The following TTC24 variants were observed in gnomAD, a reference collection of about 807,000 sequenced individuals.
The protein encoded by TTC24 is tetratricopeptide repeat domain 24.
In TTC24, 54 loss-of-function variants were observed where a neutral mutation model predicts 63.3. The observed-to-expected ratio is 0.85, with a 90% confidence interval of 0.69 to 1.07. The LOEUF (loss-of-function observed/expected upper bound fraction) is 1.07, where lower values mean the gene tolerates loss of function less well. TTC24 is among the 50% of genes least tolerant of loss of function. The pLI is 0.00. For missense variants in TTC24, 680 were observed against 730.5 expected (o/e 0.93, Z 0.80); for synonymous variants, 276 against 304.3 (o/e 0.91, Z 0.97).
In TTC24 at chr1:156,586,687, C is replaced by T; in HGVS notation, c.*137C>T. The T allele has an allele frequency of 4.2e-6, 3 of 717,522 alleles. No individual in the cohort carries two copies. Among genetic ancestry groups the T allele is most frequent in the Non-Finnish European group, 6.9e-6 (3 of 436,774 alleles). 44.4% of individuals were successfully genotyped at this position (717,522 alleles called of 1,614,324 possible). A position where few individuals can be genotyped will look rare whatever the true frequency, so the allele number is the denominator to read the frequency against. Reference sequence around the variant, plus strand: ...GGAACACAGTGCAGCCAGTGGACTCCTGAGGAGGCTGGCCAAGGGCTTTGC... The same window carrying T: ...GGAACACAGTGCAGCCAGTGGACTCTTGAGGAGGCTGGCCAAGGGCTTTGC... On this transcript the variant is annotated 3_prime_UTR_variant, in exon 11 of 11. Transcript: ENST00000368236.
Position 156,585,797 on chromosome 1 carries a change from G to A in TTC24, c.1541G>A (p.Gly514Glu). 1.2e-6 allele frequency: 2 copies of A among 1,613,830 alleles called. No individual in the cohort carries two copies. Among genetic ancestry groups the A allele is most frequent in the Middle Eastern group, 1.6e-4 (1 of 6,062 alleles). ...TTTACCAAGCACACGCCCTGCAGAG[G>A]GACAGTCCTCGGCAAAGCCTCCATC... ...PTFTKHTPCR[G>E]TVLGKASIYS... The change falls in exon 9 of 11, where the codon GGG (glycine) becomes GAG (glutamate). Residue 514 changes from glycine (G) to glutamate (E), a missense_variant. Gly to Glu is a moderately conservative substitution (Grantham distance 98). Transcript: ENST00000368236.
Position 156,583,963 on chromosome 1 carries a change from A to G in TTC24, c.1251+68A>G. On this transcript the variant is annotated intron_variant, in intron 6 of 10. Transcript: ENST00000368236. The surrounding 1 kb of genome is among the most constrained non-coding windows in gnomAD (Gnocchi z 4.0). ...TTACCCAGAGAAGGGGTTGGTGGTA[A>G]GCAGAGACGCTGTTCCCTGGGATGC... 1 of 1,375,456 alleles carries G rather than the reference A, an allele frequency of 7.3e-7. No individual in the cohort carries two copies. 85.2% of individuals were successfully genotyped at this position (1,375,456 alleles called of 1,614,324 possible). A position where few individuals can be genotyped will look rare whatever the true frequency, so the allele number is the denominator to read the frequency against.
At chr1:156,585,468 C>G in intron 8 of TTC24, 1 of 601,322 alleles carries the variant, frequency 1.7e-6, no homozygotes. Context: ...GGACCATTTT[C>G]CCTGAACCCT....
At chr1:156,582,185 A>G (rs2102470201) in intron 2 of TTC24, 46 bp from the exon 3 acceptor site, 1 of 1,514,964 alleles carries the variant, frequency 6.6e-7, no homozygotes, top group African/African-American at 1.4e-5. Context: ...TACCAGCCTC[A>G]TTTATATCTG....
chr1:156,586,270 G>A (rs1677169930), intron 10 of TTC24, among the ~76,000 whole-genome samples, 199 bp from the exon 11 acceptor site: 2 of 152,100 alleles, frequency 1.3e-5, no homozygotes, highest in Non-Finnish European at 2.9e-5. Flanking sequence ...TTCCTAAATG[G>A]CCTGATGGTA....
At chr1:156,585,257 C>T (rs1350148701) in intron 8 of TTC24, 26 bp downstream of exon 8, 11 of 1,564,360 alleles carry the variant, frequency 7.0e-6, no homozygotes, top group Admixed American at 5.4e-5. Context: ...GTATTCCTGG[C>T]GGTGCCTCTC....
rs570627469 is a variant in TTC24, at chr1:156,580,423, C to A, written c.-5+665C>A. On this transcript the variant is annotated intron_variant, in intron 1 of 10. Coordinates refer to ENST00000368236, the MANE Select transcript of TTC24 (RefSeq NM_001105669.4). ...TGAGTGAGGGGGGTGTCTGTGGAGG[C>A]ACAGTGTGAAGGAAGTTATGGAGGA... Among the ~76,000 whole-genome samples the A allele has an allele frequency of 3.3e-5, 5 of 152,228 alleles. No individual in the cohort carries two copies. In the East Asian group the frequency reaches 5.8e-4, roughly 18 times the overall value.
Position 156,585,186 on chromosome 1 carries a change from A to G in TTC24, c.1411A>G (p.Arg471Gly). 6.2e-7 allele frequency: 1 copy of G among 1,613,264 alleles called. No homozygotes were observed. Among genetic ancestry groups the G allele is most frequent in the Non-Finnish European group, 8.5e-7 (1 of 1,179,650 alleles). ...GGGCCACCAGAAGAAAAAAGAGGAGAGGTCGGCAAACGTTCCGGTGAGGGC... is the reference window on the plus strand; with the variant it reads ...GGGCCACCAGAAGAAAAAAGAGGAGGGGTCGGCAAACGTTCCGGTGAGGGC... Reference protein sequence around the residue: ...EEGHQKKKEERSANVPVRAGP... With the variant: ...EEGHQKKKEEGSANVPVRAGP... Residue 471 changes from arginine (R) to glycine (G), a missense_variant, in exon 8 of 11, where the codon AGG (arginine) becomes GGG (glycine). Arg to Gly is a moderately radical substitution (Grantham distance 125, BLOSUM62 -2). Transcript: ENST00000368236.
chr1:156,587,123 C>T lies in TTC24; in HGVS notation c.*573C>T, dbSNP rs907970179. ...CTCATGCCCCACCCTATTCTAGGTG[C>T]TTAGCTCAGGCCCCACCCTATTCTA... On this transcript the variant is annotated 3_prime_UTR_variant, in exon 11 of 11. Transcript: ENST00000368236. Among the ~76,000 whole-genome samples the T allele has an allele frequency of 7.2e-6, 1 of 139,450 alleles. No individual in the cohort carries two copies. Among genetic ancestry groups the T allele is most frequent in the African/African-American group, 2.6e-5 (1 of 38,220 alleles). The allele number at this position is 139,450 out of a possible 152,430, so 91.5% of individuals were successfully genotyped here. A position where few individuals can be genotyped will look rare whatever the true frequency, so the allele number is the denominator to read the frequency against.
At chr1:156,584,113 G>A (rs547327218) in intron 6 of TTC24, among the ~76,000 whole-genome samples, 35 of 152,302 alleles carry the variant, frequency 2.3e-4, no homozygotes, top group African/African-American at 8.2e-4. Flanking sequence ...TGATATGTAG[G>A]TGATTAAAAA....
intron 10 of TTC24, 88 bp downstream of exon 10, chr1:156,586,133 G>A: frequency 1.0e-6 from 1 of 999,568 alleles, no homozygotes; most frequent in Non-Finnish European, 1.5e-6. Flanking sequence ...AAACACGACT[G>A]CTGTTGAAGT....
In TTC24 at chr1:156,583,357, G is replaced by A; in HGVS notation, c.1059G>A (p.Trp353Ter). The A allele has an allele frequency of 6.2e-7, 1 of 1,612,906 alleles. No individual in the cohort carries two copies. The highest frequency in any genetic ancestry group is 8.5e-7 in the Non-Finnish European group (1 of 1,179,470). The change falls in exon 5 of 11, where the codon TGG becomes TGA. Residue 353 changes from tryptophan (W) to a stop codon, truncating the protein, a stop_gained. Transcript: ENST00000368236. LOFTEE classifies it high-confidence loss of function. This position sits in a 1 kb window ranked among gnomAD's most constrained non-coding sequence, Gnocchi z 4.0. Reference protein sequence around the residue: ...ARDSGDMKGQWQACEGLGAAA... With the variant: ...ARDSGDMKGQ ...TCTCAGGGGACATGAAGGGACAGTG[G>A]CAGGCCTGTGAGGGTCTGGGGGCTG...
In TTC24 at chr1:156,581,834, G is replaced by C; in HGVS notation, c.470G>C (p.Trp157Ser). The part of the protein sequence containing the change: ...YQPQGDQGEA[W>S]AKMGACYQAL... ...CCACAGGGTGACCAGGGAGAAGCCT[G>C]GGCAAAAATGGGAGCCTGCTACCAG... The change falls in exon 2 of 11, where the codon TGG becomes TCG. Residue 157 changes from tryptophan to serine, a missense_variant. Coordinates refer to ENST00000368236, the MANE Select transcript of TTC24 (RefSeq NM_001105669.4). 1 of 1,549,688 alleles carries C rather than the reference G, an allele frequency of 6.5e-7. No homozygotes were observed. Among genetic ancestry groups the C allele is most frequent in the Non-Finnish European group, 8.7e-7 (1 of 1,145,994 alleles).
At chr1:156,580,736 A>C (rs1050166498) in intron 1 of TTC24, among the ~76,000 whole-genome samples, 1 of 152,160 alleles carries the variant, frequency 6.6e-6, no homozygotes, top group African/African-American at 2.4e-5. Flanking sequence ...TCAGCCTCCC[A>C]AAATGCTGGG....
chr1:156,586,718 C>T lies in TTC24; in HGVS notation c.*168C>T, dbSNP rs75733751. On this transcript the variant is annotated 3_prime_UTR_variant, in exon 11 of 11. Transcript: ENST00000368236. ...AGGCTGGCCAAGGGCTTTGCAGGCTCGGCCCTGAGAGGTTCTGTTTGTTCC... is the reference window on the plus strand; with the variant it reads ...AGGCTGGCCAAGGGCTTTGCAGGCTTGGCCCTGAGAGGTTCTGTTTGTTCC... 592 of 555,044 alleles carry T rather than the reference C, an allele frequency of 1.1e-3. 4 individuals carry two copies. In the East Asian group the frequency reaches 0.016, roughly 15 times the overall value. 34.4% of individuals were successfully genotyped at this position (555,044 alleles called of 1,614,324 possible).
intron 1 of TTC24, among the ~76,000 whole-genome samples, chr1:156,581,001 G>A (rs1340382681): frequency 6.6e-6 from 1 of 152,068 alleles, no homozygotes; most frequent in Non-Finnish European, 1.5e-5. Context: ...ATCTAGTAGT[G>A]GGGGGAAGAC....
chr1:156,585,550 G>GT, intron 8 of TTC24, 163 bp from the exon 9 acceptor site: 1 of 630,642 alleles, frequency 1.6e-6, no homozygotes, highest in Non-Finnish European at 2.8e-6. Context: ...TGGACCCCAG[G>GT]GTTTTGCTGA....
intron 6 of TTC24, 121 bp from the exon 7 acceptor site, chr1:156,584,756 C>A (rs1677103754): frequency 1.7e-6 from 1 of 605,504 alleles, no homozygotes; most frequent in Non-Finnish European, 2.8e-6. Context: ...GAATTGTATT[C>A]TCCGAGACAA....
chr1:156,584,051 T>G (rs1677082436), intron 6 of TTC24, among the ~76,000 whole-genome samples, 156 bp downstream of exon 6: 3 of 152,064 alleles, frequency 2.0e-5, no homozygotes. Context: ...TATATCACTT[T>G]CCAAGGGTGG....
Sources: allele counts gnomAD v4.1 joint callset (sites outside exome capture counted in the v4.1 genomes callset), GRCh38; gene constraint gnomAD v4.1.1; non-coding constraint Gnocchi (gnomAD v3.1); transcripts MANE v1.5; gene names NCBI Gene and HGNC (gene_info 2026-07-23, HGNC 2026-07-21).